Variants in GHR observed in about 807,000 individuals in gnomAD.
GHR encodes the protein GH receptor.
A neutral mutation model predicts 67.1 loss-of-function variants in GHR; 35 were observed. The ratio of observed to expected loss-of-function variants is 0.52; its 90% confidence interval spans 0.40 to 0.69. GHR has a LOEUF of 0.69. Among genes scored for constraint, GHR ranks in the 30% least tolerant of loss-of-function variants. The pLI is 0.00. For missense variants in GHR, 792 were observed against 764.6 expected (o/e 1.04, Z -0.42); for synonymous variants, 272 against 269.1 (o/e 1.01, Z -0.10).
At chr5:42,523,179 A>G (rs956806989) in intron 1 of GHR, among the ~76,000 whole-genome samples, 12 of 152,232 alleles carry the variant, frequency 7.9e-5, no homozygotes, top group Admixed American at 2.6e-4. Context: ...TTTCACTGCA[A>G]TGGGATTCAT....
At chr5:42,458,870 A>G (rs760214753) in intron 1 of GHR, among the ~76,000 whole-genome samples, 20 of 152,246 alleles carry the variant, frequency 1.3e-4, no homozygotes, top group Non-Finnish European at 4.4e-5. Flanking sequence ...TGTGGCCAAC[A>G]AGCATATGAA....
At chr5:42,451,585 A>G (rs1031107694) in intron 1 of GHR, among the ~76,000 whole-genome samples, 1 of 151,860 alleles carries the variant, frequency 6.6e-6, no homozygotes, top group Admixed American at 6.6e-5. Context: ...GTGCGCCTGC[A>G]GTCCCAGCTA....
intron 3 of GHR, among the ~76,000 whole-genome samples, chr5:42,681,024 G>GC (rs1268747360): frequency 6.6e-6 from 1 of 151,928 alleles, no homozygotes; most frequent in Non-Finnish European, 1.5e-5. Flanking sequence ...GAAAACCTAG[G>GC]CAATACCATT....
intron 2 of GHR, among the ~76,000 whole-genome samples, chr5:42,575,944 G>T (rs1331513132): frequency 2.0e-5 from 3 of 151,398 alleles, no homozygotes; most frequent in African/African-American, 7.3e-5. Context: ...TGAGGCAGGG[G>T]AATTGCTTGA....
At chr5:42,702,351 A>G (rs1346343993) in intron 6 of GHR, among the ~76,000 whole-genome samples, 2 of 152,080 alleles carry the variant, frequency 1.3e-5, no homozygotes, top group African/African-American at 2.4e-5. Context: ...CTCCAGGTTC[A>G]TCCACATTGT....
At chr5:42,474,336 A>AGAAAGAAAGAAAGAAAGAAAGAAG (rs1579770183) in intron 1 of GHR, among the ~76,000 whole-genome samples, 6 of 147,722 alleles carry the variant, frequency 4.1e-5, no homozygotes, top group East Asian at 4.7e-4. Flanking sequence ...AAAGAAAGAA[A>AGAAAGAAAGAAAGAAAGAAAGAAG]GAAAAGAAAT....
chr5:42,488,455 T>C (rs1745975204), intron 1 of GHR, among the ~76,000 whole-genome samples: 1 of 152,224 alleles, frequency 6.6e-6, no homozygotes, highest in South Asian at 2.1e-4. Flanking sequence ...ATTTGCTCTC[T>C]GAAATACAAC....
intron 2 of GHR, among the ~76,000 whole-genome samples, chr5:42,566,750 T>A (rs1306090548): frequency 6.6e-6 from 1 of 151,978 alleles, no homozygotes; most frequent in Non-Finnish European, 1.5e-5. Context: ...ATTTCTCCCA[T>A]GCTATGACAC....
intron 1 of GHR, among the ~76,000 whole-genome samples, chr5:42,560,951 ATCTGAGTT>A (rs1749573220): frequency 6.6e-6 from 1 of 152,176 alleles, no homozygotes; most frequent in South Asian, 2.1e-4. Flanking sequence ...TTTTGCACAA[ATCTGAGTT>A]TCTGATCAAT....
At chr5:42,701,968 A>G (rs1757952879) in intron 6 of GHR, among the ~76,000 whole-genome samples, 1 of 152,158 alleles carries the variant, frequency 6.6e-6, no homozygotes, top group Non-Finnish European at 1.5e-5. Context: ...TTTATTGTGT[A>G]CAACATATTT....
chr5:42,534,175 T>C (rs1173963586), intron 1 of GHR, among the ~76,000 whole-genome samples: 1 of 96,834 alleles, frequency 1.0e-5, no homozygotes, highest in African/African-American at 4.5e-5. Flanking sequence ...CATATGTATA[T>C]ATGTATGTAT....
intron 2 of GHR, among the ~76,000 whole-genome samples, chr5:42,577,420 A>AT (rs994425114): frequency 6.1e-4 from 93 of 151,910 alleles, no homozygotes; most frequent in Non-Finnish European, 1.1e-3. Context: ...TACTTAGGAA[A>AT]TTTTTTTTTA....
At chr5:42,627,603 G>A (rs903133797) in intron 2 of GHR, among the ~76,000 whole-genome samples, 12 of 152,228 alleles carry the variant, frequency 7.9e-5, no homozygotes, top group African/African-American at 2.9e-4. Flanking sequence ...CAGAGCTTGC[G>A]ACAGGGATGT....
intron 1 of GHR, chr5:42,467,010 C>T (rs1744761286): frequency 1.9e-6 from 3 of 1,558,708 alleles, no homozygotes; most frequent in African/African-American, 2.8e-5. Flanking sequence ...CCGTGAGGCT[C>T]AACCTCTGTC....
intron 3 of GHR, among the ~76,000 whole-genome samples, chr5:42,673,264 C>T (rs1375025767): frequency 6.6e-6 from 1 of 152,072 alleles, no homozygotes; most frequent in Non-Finnish European, 1.5e-5. Flanking sequence ...ACAACAGACG[C>T]TGGCAAGGCT....
At chr5:42,673,533 C>A (rs141869931) in intron 3 of GHR, among the ~76,000 whole-genome samples, 1 of 152,112 alleles carries the variant, frequency 6.6e-6, no homozygotes, top group Admixed American at 6.6e-5. Flanking sequence ...AGGTGCCCAA[C>A]AAAGGTGGAT....
intron 2 of GHR, among the ~76,000 whole-genome samples, chr5:42,577,656 G>A (rs1279552221): frequency 6.6e-6 from 1 of 152,076 alleles, no homozygotes; most frequent in East Asian, 1.9e-4. Context: ...TGTTCTCCTA[G>A]GAACTTTAAT....
chr5:42,602,181 T>C (rs1752410432), intron 2 of GHR, among the ~76,000 whole-genome samples: 1 of 152,134 alleles, frequency 6.6e-6, no homozygotes, highest in Non-Finnish European at 1.5e-5. Flanking sequence ...TGGTAAGAGC[T>C]CCAGAAATCT....
chr5:42,604,673 T>A (rs1752535857), intron 2 of GHR, among the ~76,000 whole-genome samples: 1 of 151,772 alleles, frequency 6.6e-6, no homozygotes, highest in Non-Finnish European at 1.5e-5. Flanking sequence ...AAGGAAGTTA[T>A]GAGCCAGGAA....
Sources: gnomAD v4.1 joint callset for allele counts (sites outside exome capture counted in the v4.1 genomes callset) on GRCh38, gnomAD v4.1.1 for gene constraint, MANE v1.5 for transcripts, NCBI Gene and HGNC (gene_info 2026-07-23, HGNC 2026-07-21) for gene names.